TACC2: variants seen among roughly 807,000 people sequenced by gnomAD.
TACC2 encodes the protein transforming acidic coiled-coil-containing protein 2.
A neutral mutation model predicts 227.3 loss-of-function variants in TACC2; 137 were observed. The ratio of observed to expected loss-of-function variants is 0.60; its 90% CI spans 0.52 to 0.69. TACC2 has a LOEUF of 0.69. Ranked by LOEUF, TACC2 falls within the 30% of genes least tolerant of loss-of-function variation. The pLI, the probability that TACC2 is intolerant of heterozygous loss-of-function variation, is 0.00. For missense variants in TACC2, 3,470 were observed against 3,694.4 expected (o/e 0.94, Z 1.57); for synonymous variants, 1,523 against 1,487.5 (o/e 1.02, Z -0.55).
At position 122,226,469 on chromosome 10, in the gene TACC2, C is replaced by T. The variant is rs922043946; in HGVS notation, c.7712C>T (p.Thr2571Met). The T allele has an allele frequency of 5.0e-6, 8 of 1,612,908 alleles. No homozygotes were observed. The African/African-American group carries it at 5.3e-5, about 11-fold the overall frequency. Residue 2571 changes from threonine (T) to methionine (M), a missense_variant, in exon 13 of 23, where the codon ACG (threonine) becomes ATG (methionine). Thr to Met is a moderately conservative substitution (Grantham distance 81, BLOSUM62 -1). This residue lies in a region of TACC2 where 345 missense variants were observed against 354.4 expected (regional missense o/e 0.97). Transcript: ENST00000369005. The part of the protein sequence containing the change: ...SSPVRMSESP[T>M]PCSGSSFEET... ...CCCGTCCGCATGTCAGAGTCCCCGA[C>T]GCCGTGTTCAGGGTATGACTTCCAT...
rs1191199350 is a variant in TACC2 at position 122,160,951 on chromosome 10, CT to C, written c.5834+17253del. On this transcript the variant is annotated intron_variant, in intron 7 of 22. Transcript: ENST00000369005. Reference sequence around the variant, plus strand: ...CATTCTATTTGTTTCTCTCCTGGTTCTTTTTTTTGGAGACAGGGTCTCGCTC... The same window carrying C: ...CATTCTATTTGTTTCTCTCCTGGTTCTTTTTTTGGAGACAGGGTCTCGCTC... Among the ~76,000 whole-genome samples, 8 of 152,002 alleles carry C rather than the reference CT, an allele frequency of 5.3e-5. No individual in the cohort carries two copies. The South Asian group carries it at 1.7e-3, about 32-fold the overall frequency.
intron 7 of TACC2, among the ~76,000 whole-genome samples, chr10:122,155,665 G>T (rs1262906505): frequency 6.6e-6 from 1 of 152,052 alleles, no homozygotes; most frequent in Non-Finnish European, 1.5e-5. Context: ...TTGGCCACGT[G>T]TCTGCTGTGG....
At chr10:122,090,834 G>A (rs11592453) in intron 5 of TACC2, among the ~76,000 whole-genome samples, 3,961 of 151,932 alleles carry the variant, frequency 0.026, 66 homozygotes, top group Non-Finnish European at 0.038. Context: ...ATGCAGCCTC[G>A]ACCACCCCAG....
At chr10:122,058,471 C>T (rs750306121) in intron 3 of TACC2, among the ~76,000 whole-genome samples, 2 of 152,150 alleles carry the variant, frequency 1.3e-5, no homozygotes, top group Admixed American at 6.5e-5. Context: ...TGCAGTGGCG[C>T]GATCTTGGCT....
At chr10:122,229,815 G>C (rs1280653340) in intron 15 of TACC2, among the ~76,000 whole-genome samples, 1 of 152,124 alleles carries the variant, frequency 6.6e-6, no homozygotes, top group Non-Finnish European at 1.5e-5. Flanking sequence ...TCACCACTGA[G>C]CCAAGCCGTT....
At chr10:122,249,406 A>G in intron 21 of TACC2, 138 bp from the exon 22 acceptor site, 1 of 1,250,102 alleles carries the variant, frequency 8.0e-7, no homozygotes, top group East Asian at 2.4e-5. Context: ...TGGTGTTCTC[A>G]TGGGCTCCTG....
chr10:122,113,849 T>G (rs1465849291), intron 5 of TACC2, among the ~76,000 whole-genome samples: 1 of 152,204 alleles, frequency 6.6e-6, no homozygotes, highest in Non-Finnish European at 1.5e-5. Flanking sequence ...CGTCCTTGGC[T>G]CCCGCCGCAG....
At chr10:122,080,355 C>A (rs2079328044) in intron 3 of TACC2, among the ~76,000 whole-genome samples, 1 of 151,922 alleles carries the variant, frequency 6.6e-6, no homozygotes, top group South Asian at 2.1e-4. Context: ...ACGTCAGCCT[C>A]CTGAGTAGCT....
chr10:122,215,278 G>T (rs1444217145), intron 9 of TACC2, 113 bp from the exon 10 acceptor site: 1 of 892,352 alleles, frequency 1.1e-6, no homozygotes, highest in Admixed American at 1.8e-5. Context: ...GAGGTGGGAG[G>T]GTGGCCTGGG....
chr10:122,154,712 T>TAG (rs1158377609), intron 7 of TACC2, among the ~76,000 whole-genome samples: 14 of 152,176 alleles, frequency 9.2e-5, no homozygotes, highest in Non-Finnish European at 1.3e-4. Context: ...AGGCAGGGTG[T>TAG]AGAGGGAATT....
intron 2 of TACC2, among the ~76,000 whole-genome samples, chr10:122,036,877 C>T (rs1960583041): frequency 6.6e-6 from 1 of 152,224 alleles, no homozygotes; most frequent in South Asian, 2.1e-4. Flanking sequence ...ACAGCAGCTG[C>T]ACCATTTTAC....
At chr10:122,149,522 G>T (rs550242901) in intron 7 of TACC2, among the ~76,000 whole-genome samples, 1 of 150,568 alleles carries the variant, frequency 6.6e-6, no homozygotes, top group African/African-American at 2.4e-5. Context: ...CTGGGCAGCT[G>T]CCCCAAATTG....
rs1420460524 is a variant in TACC2 at position 122,229,498 on chromosome 10, A to G, written c.8037+12A>G. On this transcript the variant is annotated intron_variant, in intron 15 of 22. Transcript: ENST00000369005. Reference sequence around the variant, plus strand: ...CTCAGAAACTCCAGGTTTGTAGCCCACGTGTGACCTTTTGGGAGTTTGTCA... The same window carrying G: ...CTCAGAAACTCCAGGTTTGTAGCCCGCGTGTGACCTTTTGGGAGTTTGTCA... 3.1e-6 allele frequency: 5 copies of G among 1,613,866 alleles called. No homozygotes were observed. In the Admixed American group the frequency reaches 6.7e-5, roughly 22 times the overall value.
intron 7 of TACC2, among the ~76,000 whole-genome samples, chr10:122,179,505 C>T (rs2093884980): frequency 1.3e-5 from 2 of 152,206 alleles, no homozygotes; most frequent in Admixed American, 1.3e-4. Flanking sequence ...CAGATCTTTC[C>T]TTGATGCCCT....
chr10:122,182,832 G>A (rs531921775), intron 7 of TACC2, among the ~76,000 whole-genome samples: 1 of 152,282 alleles, frequency 6.6e-6, no homozygotes, highest in African/African-American at 2.4e-5. Flanking sequence ...AGACTCAGGC[G>A]CAGGTAGAGT....
At chr10:122,199,811 T>C (rs2094718433) in intron 8 of TACC2, among the ~76,000 whole-genome samples, 1 of 152,188 alleles carries the variant, frequency 6.6e-6, no homozygotes, top group African/African-American at 2.4e-5. Flanking sequence ...AGATTTGGTG[T>C]CTAGTGAGGA....
At chr10:122,045,686 A>T (rs1421620516) in intron 2 of TACC2, among the ~76,000 whole-genome samples, 1 of 152,224 alleles carries the variant, frequency 6.6e-6, no homozygotes, top group East Asian at 1.9e-4. Context: ...TCTGTTTCTT[A>T]TCTGGAAAAT....
At chr10:122,102,988 G>C (rs1412021971) in intron 5 of TACC2, among the ~76,000 whole-genome samples, 2 of 152,108 alleles carry the variant, frequency 1.3e-5, no homozygotes, top group East Asian at 3.8e-4. Flanking sequence ...ACCAAGTTTT[G>C]CTGGGTTGCA....
chr10:122,121,482 T>C (rs117802675), intron 5 of TACC2, among the ~76,000 whole-genome samples: 2,056 of 152,248 alleles, frequency 0.014, 17 homozygotes, highest in Non-Finnish European at 0.019. Context: ...GGCTCTGGCC[T>C]CCTATCACCT....
Sources: allele counts gnomAD v4.1 joint callset (sites outside exome capture counted in the v4.1 genomes callset), GRCh38; gene constraint gnomAD v4.1.1; regional missense constraint gnomAD v4.1.1; transcripts MANE v1.5; gene names NCBI Gene and HGNC (gene_info 2026-07-23, HGNC 2026-07-21).